Variants in AFG1L observed in about 807,000 individuals in gnomAD.
The protein encoded by AFG1L is AFG1 like ATPase, also known as AFG1-like ATPase.
In AFG1L, 53 loss-of-function variants were observed where a neutral mutation model predicts 62.2. The observed-to-expected ratio is 0.85, with a 90% CI of 0.68 to 1.07. The LOEUF is 1.07. Among genes scored for constraint, AFG1L ranks in the 50% least tolerant of loss-of-function variants. The pLI is 0.00. For synonymous variants in AFG1L, 228 were observed against 210.3 expected (o/e 1.08, Z -0.73); for missense variants, 555 against 590.5 (o/e 0.94, Z 0.62).
At chr6:108,401,431 C>T (rs748490729) in intron 6 of AFG1L, among the ~76,000 whole-genome samples, 3 of 152,006 alleles carry the variant, frequency 2.0e-5, no homozygotes, top group African/African-American at 4.8e-5. Flanking sequence ...CGTGAGCCAC[C>T]GCGCCCGGCC....
chr6:108,299,122 G>T (rs757246704), intron 1 of AFG1L, among the ~76,000 whole-genome samples: 1 of 151,922 alleles, frequency 6.6e-6, no homozygotes, highest in African/African-American at 2.4e-5. Flanking sequence ...TTAGCTGGGC[G>T]TGGTGGTGCA....
At chr6:108,470,096 C>T (rs1416062722) in intron 8 of AFG1L, among the ~76,000 whole-genome samples, 2 of 152,206 alleles carry the variant, frequency 1.3e-5, no homozygotes, top group Admixed American at 1.3e-4. Flanking sequence ...CTGTATTCCA[C>T]CTCTCACCTT....
Position 108,369,947 on chromosome 6 carries a change from G to GCTATCTATCTATCTAT in AFG1L, c.748+3642_748+3657dup, listed in dbSNP as rs1312272545. Among the ~76,000 whole-genome samples the GCTATCTATCTATCTAT allele has an allele frequency of 3.8e-5, 5 of 130,248 alleles. No individual in the cohort carries two copies. The East Asian group carries it at 6.9e-4, about 18-fold the overall frequency. 85.4% of individuals were successfully genotyped at this position (130,248 alleles called of 152,430 possible). A position where few individuals can be genotyped will look rare whatever the true frequency, so the allele number is the denominator to read the frequency against. On this transcript the variant is annotated intron_variant, in intron 6 of 12. Coordinates refer to ENST00000368977, the MANE Select transcript of AFG1L (RefSeq NM_145315.5). The stretch of plus-strand genomic sequence containing the variant: ...GGCTGGCTGGCTGGCTGGCTGGCTG[G>GCTATCTATCTATCTAT]CTATCTATCTATCTATCTATCTATC...
Position 108,295,089 on chromosome 6 carries a change from TC to T in AFG1L, c.12del (p.Trp5GlyfsTer10), listed in dbSNP as rs1196767736. On this transcript the variant is annotated frameshift_variant, in exon 1 of 13. Transcript: ENST00000368977. LOFTEE classifies it high-confidence loss of function. ...TCGTACGGAGTTCAAGATGGCGGCC[TC>T]CTGGTCGCTCTTGGTTACCCTGCGC... MAA[S>X]WSLLVTLRPL... The T allele has an allele frequency of 1.2e-6, 2 of 1,611,150 alleles. No homozygotes were observed. Among genetic ancestry groups the T allele is most frequent in the East Asian group, 4.5e-5 (2 of 44,880 alleles).
At chr6:108,314,188 T>G (rs898639520) in intron 1 of AFG1L, among the ~76,000 whole-genome samples, 39 of 151,742 alleles carry the variant, frequency 2.6e-4, no homozygotes, top group Admixed American at 5.9e-4. Context: ...CTGAGATCGC[T>G]CCATTGTACT....
At chr6:108,385,215 C>T (rs564697188) in intron 6 of AFG1L, among the ~76,000 whole-genome samples, 89 of 152,356 alleles carry the variant, frequency 5.8e-4, no homozygotes, top group African/African-American at 2.1e-3. Context: ...CCCCCAAAAT[C>T]TGGCCATAAA....
chr6:108,380,380 T>A (rs1259076990), intron 6 of AFG1L, among the ~76,000 whole-genome samples: 2 of 152,044 alleles, frequency 1.3e-5, no homozygotes, highest in African/African-American at 2.4e-5. Flanking sequence ...TGCTGCACCA[T>A]GATCTCAGGG....
At chr6:108,475,331 C>G (rs1280344473) in intron 8 of AFG1L, among the ~76,000 whole-genome samples, 1 of 152,164 alleles carries the variant, frequency 6.6e-6, no homozygotes, top group Non-Finnish European at 1.5e-5. Flanking sequence ...GTGATGCCTC[C>G]AGCTTTGTTC....
At chr6:108,480,533 T>C (rs1773285107) in intron 10 of AFG1L, among the ~76,000 whole-genome samples, 1 of 152,144 alleles carries the variant, frequency 6.6e-6, no homozygotes, top group Admixed American at 6.5e-5. Flanking sequence ...TACTTTGGAC[T>C]CTATCTTAAA....
At chr6:108,385,396 G>A (rs1780718605) in intron 6 of AFG1L, among the ~76,000 whole-genome samples, 1 of 152,238 alleles carries the variant, frequency 6.6e-6, no homozygotes, top group Admixed American at 6.5e-5. Flanking sequence ...ATGATAGCAT[G>A]AGTGATCGAT....
intron 10 of AFG1L, among the ~76,000 whole-genome samples, chr6:108,501,794 A>G (rs1562198881): frequency 6.6e-6 from 1 of 152,120 alleles, no homozygotes; most frequent in Non-Finnish European, 1.5e-5. Context: ...CCTTGGAGAT[A>G]TTGCTGGCTT....
chr6:108,317,003 C>T (rs1014909746), intron 1 of AFG1L, among the ~76,000 whole-genome samples: 12 of 152,080 alleles, frequency 7.9e-5, no homozygotes, highest in Admixed American at 2.6e-4. Context: ...CTCCAAGACA[C>T]GTACCTCCCC....
chr6:108,406,218 A>G (rs1303005468), intron 7 of AFG1L, among the ~76,000 whole-genome samples: 2 of 152,078 alleles, frequency 1.3e-5, no homozygotes, highest in African/African-American at 4.8e-5. Flanking sequence ...ACTGTTTTCC[A>G]TAGCGGCTGT....
chr6:108,495,393 A>G (rs188903769), intron 10 of AFG1L, among the ~76,000 whole-genome samples: 1 of 152,334 alleles, frequency 6.6e-6, no homozygotes, highest in African/African-American at 2.4e-5. Flanking sequence ...TGAAATCATA[A>G]TCGTCCTACT....
intron 1 of AFG1L, among the ~76,000 whole-genome samples, chr6:108,298,811 A>G (rs373103541): frequency 6.6e-6 from 1 of 152,174 alleles, no homozygotes; most frequent in Non-Finnish European, 1.5e-5. Context: ...CAAACCAGAA[A>G]TGCCTGGATG....
intron 6 of AFG1L, among the ~76,000 whole-genome samples, chr6:108,369,523 T>C (rs1779901905): frequency 6.6e-6 from 1 of 151,980 alleles, no homozygotes; most frequent in Admixed American, 6.6e-5. Context: ...CAAAGTACTG[T>C]ATTAAAAAAA....
At chr6:108,433,731 T>G (rs1771183083) in intron 7 of AFG1L, among the ~76,000 whole-genome samples, 1 of 152,002 alleles carries the variant, frequency 6.6e-6, no homozygotes, top group African/African-American at 2.4e-5. Context: ...TAGCTGGGAT[T>G]ACAGGCACAA....
intron 1 of AFG1L, chr6:108,318,259 C>T: frequency 6.3e-6 from 2 of 316,434 alleles, no homozygotes; most frequent in South Asian, 3.2e-5. Context: ...GCTGATTTTC[C>T]AGAAAAAGGC....
chr6:108,320,052 A>G (rs1049854860), intron 1 of AFG1L, among the ~76,000 whole-genome samples: 2 of 152,172 alleles, frequency 1.3e-5, no homozygotes, highest in African/African-American at 4.8e-5. Context: ...TAAAAAAGGT[A>G]CAGCTATTAA....
Sources: allele counts gnomAD v4.1 joint callset (sites outside exome capture counted in the v4.1 genomes callset), GRCh38; gene constraint gnomAD v4.1.1; transcripts MANE v1.5; gene names NCBI Gene and HGNC (gene_info 2026-07-23, HGNC 2026-07-21).